The following ATRNL1 variants were observed in gnomAD, a reference collection of about 807,000 sequenced individuals.
ATRNL1 encodes attractin like 1.
In ATRNL1, 95 loss-of-function variants were observed where a neutral mutation model predicts 182.7. The ratio of observed to expected loss-of-function variants is 0.52; its 90% confidence interval spans 0.44 to 0.62. The LOEUF is 0.62. Ranked by LOEUF, ATRNL1 falls within the 20% of genes least tolerant of loss-of-function variation. The probability of loss-of-function intolerance (pLI) is 0.00; values close to 1 mark genes in which losing one functional copy is unlikely to be tolerated. For missense variants in ATRNL1, 1,471 were observed against 1,679.5 expected (o/e 0.88, Z 2.17); for synonymous variants, 576 against 568.3 (o/e 1.01, Z -0.19).
chr10:115,455,537 A>G (rs782624121), intron 21 of ATRNL1, among the ~76,000 whole-genome samples: 2 of 152,204 alleles, frequency 1.3e-5, no homozygotes, highest in Non-Finnish European at 2.9e-5. Context: ...AATCCCTAGA[A>G]GAAAACCTAG....
At chr10:115,428,327 A>G (rs1002858890) in intron 21 of ATRNL1, among the ~76,000 whole-genome samples, 14 of 152,182 alleles carry the variant, frequency 9.2e-5, no homozygotes, top group South Asian at 2.1e-4. Context: ...TACACATACA[A>G]TGTTTCCTGC....
At chr10:115,224,911 G>C (rs1427473028) in intron 9 of ATRNL1, among the ~76,000 whole-genome samples, 7 of 152,066 alleles carry the variant, frequency 4.6e-5, no homozygotes, top group African/African-American at 1.7e-4. Flanking sequence ...TCCAGGCCGT[G>C]ATCACTTTAC....
chr10:115,668,741 C>T (rs955990692), intron 26 of ATRNL1, among the ~76,000 whole-genome samples: 1 of 152,070 alleles, frequency 6.6e-6, no homozygotes, highest in Non-Finnish European at 1.5e-5. Context: ...AAGCATTTAA[C>T]TTTAACCTTT....
chr10:115,773,789 T>C (rs892718202), intron 27 of ATRNL1, among the ~76,000 whole-genome samples: 2 of 152,186 alleles, frequency 1.3e-5, no homozygotes, highest in African/African-American at 2.4e-5. Flanking sequence ...TTTTGGCTTG[T>C]AAATGCTCAA....
At chr10:115,492,625 T>C (rs1187563206) in intron 24 of ATRNL1, among the ~76,000 whole-genome samples, 2 of 147,384 alleles carry the variant, frequency 1.4e-5, no homozygotes, top group African/African-American at 2.5e-5. Context: ...CTTTTAATTC[T>C]TTCATTTTTA....
intron 5 of ATRNL1, among the ~76,000 whole-genome samples, chr10:115,149,001 G>A (rs1420316215): frequency 6.6e-6 from 1 of 152,094 alleles, no homozygotes; most frequent in East Asian, 1.9e-4. Flanking sequence ...CTCCCAAAGT[G>A]CTGGGATTAG....
chr10:115,738,288 C>G (rs1339413069), intron 27 of ATRNL1, among the ~76,000 whole-genome samples: 3 of 149,672 alleles, frequency 2.0e-5, no homozygotes, highest in Non-Finnish European at 4.4e-5. Flanking sequence ...TATAGACACC[C>G]ACTACAATGC....
intron 18 of ATRNL1, among the ~76,000 whole-genome samples, chr10:115,321,948 A>G (rs1314040893): frequency 1.3e-5 from 2 of 152,124 alleles, no homozygotes; most frequent in African/African-American, 4.8e-5. Context: ...CACAAAAATC[A>G]GTAGCATTTT....
chr10:115,277,006 G>A lies in ATRNL1; in HGVS notation c.2101-4349G>A, dbSNP rs1481089232. ...TCTTTTTCTTATTCCAACATGTTTA[G>A]CCATTCTCATGTCATTTTTATAGGT... On this transcript the variant is annotated intron_variant, in intron 13 of 28. Transcript: ENST00000355044. 2.6e-5 allele frequency among the ~76,000 whole-genome samples: 4 copies of A among 151,846 alleles called. No homozygotes were observed. In the East Asian group the frequency reaches 7.7e-4, roughly 29 times the overall value.
intron 13 of ATRNL1, among the ~76,000 whole-genome samples, chr10:115,276,503 A>G (rs944394605): frequency 7.9e-5 from 12 of 152,200 alleles, no homozygotes; most frequent in African/African-American, 2.4e-4. Flanking sequence ...AAGAGAGCAG[A>G]TGGTACTCAC....
intron 27 of ATRNL1, among the ~76,000 whole-genome samples, chr10:115,833,142 A>T (rs1184788469): frequency 3.3e-5 from 5 of 152,206 alleles, no homozygotes; most frequent in Non-Finnish European, 7.3e-5. Context: ...CTAAATCATA[A>T]CATAGCTGCC....
At position 115,535,992 on chromosome 10, in the gene ATRNL1, G is replaced by T. The variant is rs181051222; in HGVS notation, c.3717-13466G>T. ...AAGTTTTGTCTCAGAGGATTACCTG[G>T]CTGTGTGACGTGTCAGTCTGCCCCT... On this transcript the variant is annotated intron_variant, in intron 25 of 28. Coordinates refer to ENST00000355044, the MANE Select transcript of ATRNL1 (RefSeq NM_207303.4). Among the ~76,000 whole-genome samples the T allele has an allele frequency of 3.2e-4, 48 of 151,370 alleles. 1 individual carries two copies. The highest frequency in any genetic ancestry group is 2.8e-3 in the Admixed American group (42 of 15,238).
chr10:115,736,363 A>G (rs1436611319), intron 27 of ATRNL1, among the ~76,000 whole-genome samples: 1 of 152,016 alleles, frequency 6.6e-6, no homozygotes, highest in Non-Finnish European at 1.5e-5. Context: ...TTCTAAAGTT[A>G]TATTTTATTA....
At chr10:115,733,201 A>T (rs1555063814) in intron 27 of ATRNL1, among the ~76,000 whole-genome samples, 1 of 152,150 alleles carries the variant, frequency 6.6e-6, no homozygotes, top group East Asian at 1.9e-4. Flanking sequence ...AGCATGATTA[A>T]TTTTTACCAG....
intron 19 of ATRNL1, among the ~76,000 whole-genome samples, chr10:115,377,609 T>A (rs1366094538): frequency 6.6e-6 from 1 of 152,184 alleles, no homozygotes; most frequent in Non-Finnish European, 1.5e-5. Context: ...TTTTTCTGAC[T>A]TTTTCTTAAC....
At chr10:115,293,041 T>G (rs1172597392) in intron 15 of ATRNL1, among the ~76,000 whole-genome samples, 1 of 152,138 alleles carries the variant, frequency 6.6e-6, no homozygotes, top group African/African-American at 2.4e-5. Flanking sequence ...GCTCCAACAT[T>G]GGGTGCATGT....
At chr10:115,377,134 T>A (rs1857718210) in intron 19 of ATRNL1, among the ~76,000 whole-genome samples, 1 of 152,202 alleles carries the variant, frequency 6.6e-6, no homozygotes, top group Non-Finnish European at 1.5e-5. Flanking sequence ...TATTTAATTG[T>A]TGGTATGGTT....
At chr10:115,128,826 C>CAA (rs369416130) in intron 4 of ATRNL1, among the ~76,000 whole-genome samples, 6 of 110,494 alleles carry the variant, frequency 5.4e-5, no homozygotes, top group Middle Eastern at 4.2e-3. Context: ...GACTGTGTCT[C>CAA]AAAAAAAAAA....
At chr10:115,348,097 C>T (rs1856057568) in intron 19 of ATRNL1, among the ~76,000 whole-genome samples, 1 of 152,176 alleles carries the variant, frequency 6.6e-6, no homozygotes, top group South Asian at 2.1e-4. Flanking sequence ...CCTCAGCCTT[C>T]CTAGTAGCTG....
Sources: gnomAD v4.1 joint callset for allele counts (sites outside exome capture counted in the v4.1 genomes callset) on GRCh38, gnomAD v4.1.1 for gene constraint, MANE v1.5 for transcripts, NCBI Gene and HGNC (gene_info 2026-07-23, HGNC 2026-07-21) for gene names.